Variants in RXRA observed in about 807,000 individuals in gnomAD.
RXRA encodes the protein retinoic acid receptor RXR-alpha.
RXRA carries 5 observed loss-of-function variants against 44.5 expected under a neutral mutation model. That is an observed-to-expected ratio of 0.11 (90% confidence interval 0.06 to 0.24). RXRA has a LOEUF of 0.24. RXRA is among the 10% of genes least tolerant of loss of function. The pLI, the probability that RXRA is intolerant of heterozygous loss-of-function variation, is 1.00. For missense variants in RXRA, 412 were observed against 646.5 expected (o/e 0.64, Z 3.93); for synonymous variants, 291 against 271.4 (o/e 1.07, Z -0.71).
At chr9:134,379,663 C>T (rs1830612143) in intron 1 of RXRA, 1 of 985,246 alleles carries the variant, frequency 1.0e-6, no homozygotes, top group Non-Finnish European at 1.2e-6. Context: ...CCCTGCGGTC[C>T]TGGGAGGTAG....
At chr9:134,341,717 G>A (rs1292152931) in intron 1 of RXRA, among the ~76,000 whole-genome samples, 2 of 152,164 alleles carry the variant, frequency 1.3e-5, no homozygotes, top group Non-Finnish European at 2.9e-5. Context: ...GCCTCTTCCC[G>A]CCCTCCATGG....
At chr9:134,332,374 C>T (rs1453232698) in intron 1 of RXRA, among the ~76,000 whole-genome samples, 6 of 152,228 alleles carry the variant, frequency 3.9e-5, no homozygotes, top group Non-Finnish European at 8.8e-5. Context: ...CCACCCCATG[C>T]ATGCAGGCGT....
chr9:134,434,330 C>T (rs1831580668), intron 9 of RXRA, 123 bp downstream of exon 9: 1 of 692,728 alleles, frequency 1.4e-6, no homozygotes, highest in African/African-American at 1.8e-5. Flanking sequence ...CAGCCCATGC[C>T]AGCAGGTCCT....
In RXRA at chr9:134,434,268, C is replaced by G. The variant is rs552029214; in HGVS notation, c.1241+61C>G. The G allele has an allele frequency of 2.7e-4, 349 of 1,292,636 alleles. No homozygotes were observed. The African/African-American group carries it at 4.3e-3, about 16-fold the overall frequency. 80.1% of individuals were successfully genotyped at this position (1,292,636 alleles called of 1,614,324 possible). Reference sequence around the variant, plus strand: ...CAGGCTCTTGTCTCCAGAGCCCCCACCCCCTGCAAGGCCATTTTATGTGAA... The same window carrying G: ...CAGGCTCTTGTCTCCAGAGCCCCCAGCCCCTGCAAGGCCATTTTATGTGAA... On this transcript the variant is annotated intron_variant, in intron 9 of 9. Coordinates refer to ENST00000481739, the MANE Select transcript of RXRA (RefSeq NM_002957.6).
At chr9:134,412,567 T>C (rs969285582) in intron 4 of RXRA, among the ~76,000 whole-genome samples, 2 of 152,192 alleles carry the variant, frequency 1.3e-5, no homozygotes, top group South Asian at 4.1e-4. Context: ...CAATGGGGCC[T>C]GCACGCGCAG....
rs971698296 is a variant in RXRA, at chr9:134,413,359, CTGTG to C, written c.611-3793_611-3790del. Reference sequence around the variant, plus strand: ...TGTGGTGTGGTATGTCTCTGTGTGTCTGTGTGTGTATGTCTGCATGGTTTGTGTG... The same window carrying C: ...TGTGGTGTGGTATGTCTCTGTGTGTCTGTGTATGTCTGCATGGTTTGTGTG... On this transcript the variant is annotated intron_variant, in intron 4 of 9. Transcript: ENST00000481739. Among the ~76,000 whole-genome samples, 51 of 151,732 alleles carry C rather than the reference CTGTG, an allele frequency of 3.4e-4. 1 individual carries two copies. Among genetic ancestry groups the C allele is most frequent in the Admixed American group, 2.6e-3 (39 of 15,224 alleles).
At chr9:134,375,031 G>A (rs1407645843) in intron 1 of RXRA, among the ~76,000 whole-genome samples, 1 of 152,162 alleles carries the variant, frequency 6.6e-6, no homozygotes, top group Non-Finnish European at 1.5e-5. Flanking sequence ...ACTGTGCCCT[G>A]CACTGCAGGG....
At chr9:134,352,809 C>T (rs1200115991) in intron 1 of RXRA, among the ~76,000 whole-genome samples, 2 of 152,150 alleles carry the variant, frequency 1.3e-5, no homozygotes, top group Admixed American at 6.5e-5. Context: ...TTGGAGCGGT[C>T]TCCCTTTGGG....
chr9:134,430,242 T>A (rs1326210671), intron 7 of RXRA, among the ~76,000 whole-genome samples: 1 of 152,188 alleles, frequency 6.6e-6, no homozygotes, highest in East Asian at 1.9e-4. Flanking sequence ...GACTGGGCCT[T>A]CTGGGGACCG....
rs1474740643 is a variant in RXRA, at chr9:134,412,569, C to A, written c.610+3450C>A. On this transcript the variant is annotated intron_variant, in intron 4 of 9. Transcript: ENST00000481739. ...ATCTCAGGTTGGGCAATGGGGCCTG[C>A]ACGCGCAGGCAGCCACCAGGAGGGA... Among the ~76,000 whole-genome samples the A allele has an allele frequency of 2.0e-5, 3 of 152,220 alleles. 1 individual carries two copies. The highest frequency in any genetic ancestry group is 2.0e-4 in the Admixed American group (3 of 15,282).
chr9:134,426,010 G>A lies in RXRA; in HGVS notation c.911-3098G>A, dbSNP rs35845782. ...ACTCTGTGCTGTTCCTTCCGGAAGC[G>A]CTGTCCAGGGGTCCTGCAACCCCAG... On this transcript the variant is annotated intron_variant, in intron 6 of 9. Coordinates refer to ENST00000481739, the MANE Select transcript of RXRA (RefSeq NM_002957.6). This position sits in a 1 kb window ranked among gnomAD's most constrained non-coding sequence, Gnocchi z 4.6. The A allele has an allele frequency of 1.3e-3, 1,303 of 984,900 alleles. 18 individuals are homozygous for A. The African/African-American group carries it at 0.021, about 16-fold the overall frequency. The allele number at this position is 984,900 out of a possible 1,614,324, so 61.0% of individuals were successfully genotyped here.
chr9:134,363,570 C>T (rs1247615323), intron 1 of RXRA, among the ~76,000 whole-genome samples: 2 of 152,252 alleles, frequency 1.3e-5, no homozygotes, highest in East Asian at 3.9e-4. Context: ...CTACACTGCC[C>T]TCCAGGGAGG....
chr9:134,368,936 TTATGTA>T (rs1830451168), intron 1 of RXRA, among the ~76,000 whole-genome samples: 6 of 83,874 alleles, frequency 7.2e-5, no homozygotes, highest in Admixed American at 1.3e-4. Context: ...AGTGCGGGGG[TTATGTA>T]TGTGTGTGAG....
At chr9:134,432,052 C>T in intron 8 of RXRA, 56 bp downstream of exon 8, 2 of 1,359,262 alleles carry the variant, frequency 1.5e-6, no homozygotes, top group East Asian at 2.3e-5. Context: ...GGCAGAGGTG[C>T]CTGGGCCTCC....
intron 1 of RXRA, among the ~76,000 whole-genome samples, chr9:134,369,325 TGGGGG>T (rs149183008): frequency 2.2e-5 from 1 of 45,902 alleles, no homozygotes; most frequent in Non-Finnish European, 3.8e-5. Flanking sequence ...GTTGTGTGTG[TGGGGG>T]GGGTTATGTG....
At chr9:134,356,612 G>T (rs74993869) in intron 1 of RXRA, among the ~76,000 whole-genome samples, 1 of 152,362 alleles carries the variant, frequency 6.6e-6, no homozygotes, top group East Asian at 1.9e-4. Context: ...ATCACCAAGA[G>T]ATGGCCCGGT....
intron 6 of RXRA, chr9:134,425,949 G>A (rs930473840): frequency 2.0e-6 from 2 of 985,294 alleles, no homozygotes; most frequent in African/African-American, 1.7e-5. Context: ...GAGCCAGGTT[G>A]GAGCCCGAGG....
intron 1 of RXRA, among the ~76,000 whole-genome samples, chr9:134,385,488 T>G (rs993859954): frequency 5.9e-5 from 9 of 152,172 alleles, no homozygotes; most frequent in Admixed American, 5.2e-4. Flanking sequence ...GACTCCCTGC[T>G]TGTTTCCTCC....
At chr9:134,341,668 G>A (rs1399892613) in intron 1 of RXRA, among the ~76,000 whole-genome samples, 3 of 152,170 alleles carry the variant, frequency 2.0e-5, no homozygotes, top group African/African-American at 7.2e-5. Context: ...CACACCTGGT[G>A]GCAGAGCTCC....
Sources: allele counts gnomAD v4.1 joint callset (sites outside exome capture counted in the v4.1 genomes callset), GRCh38; gene constraint gnomAD v4.1.1; non-coding constraint Gnocchi (gnomAD v3.1); transcripts MANE v1.5; gene names NCBI Gene and HGNC (gene_info 2026-07-23, HGNC 2026-07-21).